AVEN: variants seen among roughly 807,000 people sequenced by gnomAD.
AVEN encodes the protein apoptosis and caspase activation inhibitor.
A neutral mutation model predicts 38.1 loss-of-function variants in AVEN; 41 were observed. That is an observed-to-expected ratio of 1.08 (90% CI 0.84 to 1.40). The LOEUF is 1.40. AVEN is among the 40% of genes most tolerant of loss of function. The pLI is 0.00. For missense variants in AVEN, 605 were observed against 438.8 expected (o/e 1.38, Z -3.38); for synonymous variants, 206 against 171.8 (o/e 1.20, Z -1.56).
chr15:33,976,723 A>G (rs56038374), intron 2 of AVEN, among the ~76,000 whole-genome samples: 2 of 152,336 alleles, frequency 1.3e-5, no homozygotes, highest in Non-Finnish European at 2.9e-5. Flanking sequence ...AAAATTTAAC[A>G]TAAATGTATT....
chr15:33,944,180 C>T lies in AVEN; in HGVS notation c.445+58852G>A, dbSNP rs563009158. On this transcript the variant is annotated intron_variant, in intron 2 of 5. Coordinates refer to ENST00000306730, the MANE Select transcript of AVEN (RefSeq NM_020371.3). ...ACCCACACGAGTCTGAATGTGGTCA[C>T]TGAACAACGCCTTTACTTCTCTCAC... is the stretch of plus-strand genomic sequence containing the variant. Among the ~76,000 whole-genome samples, 3 of 152,338 alleles carry T rather than the reference C, an allele frequency of 2.0e-5. No homozygotes were observed. The East Asian group carries it at 5.8e-4, about 29-fold the overall frequency.
intron 2 of AVEN, among the ~76,000 whole-genome samples, chr15:33,897,337 G>A (rs1054419772): frequency 5.3e-5 from 8 of 151,742 alleles, no homozygotes; most frequent in African/African-American, 1.5e-4. Flanking sequence ...ACACTCTATC[G>A]CCCAGGCTAG....
At chr15:33,861,136 T>C in intron 11 of AVEN, 1 of 1,597,566 alleles carries the variant, frequency 6.3e-7, no homozygotes, top group South Asian at 1.1e-5. Flanking sequence ...CCTCATGGTT[T>C]TGAAACACAT....
chr15:33,890,305 T>A (rs1474922708), intron 2 of AVEN, among the ~76,000 whole-genome samples: 1 of 152,210 alleles, frequency 6.6e-6, no homozygotes, highest in Non-Finnish European at 1.5e-5. Flanking sequence ...AGCCCAGTTT[T>A]TATTACTACT....
chr15:33,923,263 A>G (rs1893473701), intron 2 of AVEN, among the ~76,000 whole-genome samples: 1 of 152,230 alleles, frequency 6.6e-6, no homozygotes, highest in Non-Finnish European at 1.5e-5. Context: ...ACAAATTACA[A>G]AAAGGAGTAA....
At chr15:33,854,871 C>G (rs986961763), downstream of AVEN, 7 of 1,613,376 alleles carry the variant, frequency 4.3e-6, no homozygotes, top group South Asian at 5.5e-5. Flanking sequence ...CTTCAAGACA[C>G]TGAGGACCAT....
At chr15:34,057,141 G>GT (rs148277277) in intron 5 of AVEN, among the ~76,000 whole-genome samples, 92,753 of 140,582 alleles carry the variant, frequency 0.66, 30,616 homozygotes, top group South Asian at 0.79. Flanking sequence ...GGTTTTTTTT[G>GT]GTTTTTTTTT....
intron 1 of AVEN, among the ~76,000 whole-genome samples, chr15:34,024,867 A>G (rs958074342): frequency 1.3e-5 from 2 of 150,550 alleles, no homozygotes; most frequent in African/African-American, 4.9e-5. Context: ...TCTCAAAAAA[A>G]AAAGGAAAAA....
chr15:34,048,037 TTG>T (rs1337362496), intron 5 of AVEN, among the ~76,000 whole-genome samples: 1 of 77,116 alleles, frequency 1.3e-5, no homozygotes, highest in South Asian at 4.4e-4. Flanking sequence ...GTGTGTGTGT[TTG>T]TGTGTGTGTG....
intron 2 of AVEN, among the ~76,000 whole-genome samples, chr15:33,962,314 T>C (rs1280784190): frequency 6.6e-6 from 1 of 152,222 alleles, no homozygotes; most frequent in Non-Finnish European, 1.5e-5. Flanking sequence ...ACAGCCCATC[T>C]TGTTCAATAT....
chr15:33,861,218 C>A, intron 11 of AVEN: 1 of 1,468,774 alleles, frequency 6.8e-7, no homozygotes, highest in Non-Finnish European at 9.3e-7. Context: ...GCAGCTGTAG[C>A]GTAAATAAAG....
At position 34,010,697 on chromosome 15, in the gene AVEN, C is replaced by T. The variant is rs962803459; in HGVS notation, c.268-7488G>A. The stretch of plus-strand genomic sequence containing the variant: ...GAACACATTTAAGGAAACCCTCCAA[C>T]AAAAAAGTCACCAAAAACTAATCAC... On this transcript the variant is annotated intron_variant, in intron 1 of 5. Coordinates refer to ENST00000306730, the MANE Select transcript of AVEN (RefSeq NM_020371.3). 5.5e-4 allele frequency among the ~76,000 whole-genome samples: 84 copies of T among 152,204 alleles called. 2 individuals carry two copies. Among genetic ancestry groups the T allele is most frequent in the Middle Eastern group, 3.4e-3 (1 of 294 alleles).
At chr15:33,961,488 C>T (rs1351900339) in intron 2 of AVEN, among the ~76,000 whole-genome samples, 1 of 152,044 alleles carries the variant, frequency 6.6e-6, no homozygotes, top group African/African-American at 2.4e-5. Flanking sequence ...TGAATGCCAA[C>T]CTCTGAGATG....
intron 2 of AVEN, among the ~76,000 whole-genome samples, chr15:33,965,525 T>C (rs563758468): frequency 2.0e-4 from 31 of 152,206 alleles, no homozygotes; most frequent in African/African-American, 7.5e-4. Flanking sequence ...GGACCAAATG[T>C]TCTAGCAAAA....
chr15:34,031,712 A>C (rs139408981), intron 1 of AVEN, among the ~76,000 whole-genome samples: 3,502 of 152,294 alleles, frequency 0.023, 65 homozygotes, highest in Admixed American at 0.032. Context: ...CATCCTTGGC[A>C]GTGTTGTTCT....
intron 2 of AVEN, among the ~76,000 whole-genome samples, chr15:33,962,263 A>C (rs1325054884): frequency 6.6e-6 from 1 of 152,212 alleles, no homozygotes; most frequent in East Asian, 1.9e-4. Flanking sequence ...GTATTCCTTC[A>C]CATGCCTCAA....
rs141212740 is a variant in AVEN, at chr15:33,931,185, G to C, written c.446-55190C>G. On this transcript the variant is annotated intron_variant, in intron 2 of 5. Transcript: ENST00000306730. ...TCTAAATTAGAAACCATGCTCCCTT[G>C]TTAAGAAAGGCAGCTTTCAATAACA... Among the ~76,000 whole-genome samples, 15 of 152,008 alleles carry C rather than the reference G, an allele frequency of 9.9e-5. No individual in the cohort carries two copies. In the East Asian group the frequency reaches 2.9e-3, roughly 29 times the overall value.
intron 2 of AVEN, among the ~76,000 whole-genome samples, chr15:34,068,453 C>A (rs1179232023): frequency 6.6e-6 from 1 of 152,008 alleles, no homozygotes; most frequent in African/African-American, 2.4e-5. Context: ...GCAATCCACC[C>A]GATTTGGCCT....
At chr15:33,914,355 A>C (rs1344035644) in intron 2 of AVEN, among the ~76,000 whole-genome samples, 3 of 152,146 alleles carry the variant, frequency 2.0e-5, no homozygotes, top group African/African-American at 2.4e-5. Flanking sequence ...CCAAAGAAGT[A>C]AGTCCAGAAA....
Sources: gnomAD v4.1 joint callset for allele counts (sites outside exome capture counted in the v4.1 genomes callset) on GRCh38, gnomAD v4.1.1 for gene constraint, MANE v1.5 for transcripts, NCBI Gene and HGNC (gene_info 2026-07-23, HGNC 2026-07-21) for gene names.